SAMD12: variants seen among roughly 807,000 people sequenced by gnomAD.
The protein encoded by SAMD12 is sterile alpha motif domain-containing protein 12.
SAMD12 carries 9 observed loss-of-function variants against 15.0 expected under a neutral mutation model. That is an observed-to-expected ratio of 0.60 (90% CI 0.36 to 1.05). The LOEUF (loss-of-function observed/expected upper bound fraction) is 1.05, where lower values mean the gene tolerates loss of function less well. SAMD12 is among the 50% of genes least tolerant of loss of function. The pLI is 0.01. For missense variants in SAMD12, 230 were observed against 234.2 expected (o/e 0.98, Z 0.12); for synonymous variants, 86 against 90.1 (o/e 0.96, Z 0.25).
intron 2 of SAMD12, among the ~76,000 whole-genome samples, chr8:118,447,690 ATTTT>A (rs199775333): frequency 7.0e-6 from 1 of 142,138 alleles, no homozygotes; most frequent in Non-Finnish European, 1.5e-5. Flanking sequence ...TTATTTTTTT[ATTTT>A]TTATTTTTAA....
intron 4 of SAMD12, among the ~76,000 whole-genome samples, chr8:118,261,178 A>AT (rs1049748841): frequency 7.9e-5 from 12 of 152,004 alleles, no homozygotes; most frequent in Non-Finnish European, 1.5e-4. Flanking sequence ...AATTATTATT[A>AT]TTTTTTTAGC....
chr8:118,589,391 T>C (rs1343901376), intron 1 of SAMD12, among the ~76,000 whole-genome samples: 4 of 152,250 alleles, frequency 2.6e-5, no homozygotes, highest in Non-Finnish European at 4.4e-5. Flanking sequence ...AATTTCATCT[T>C]TGTAAAAACA....
At chr8:118,314,274 C>T (rs148903001) in intron 4 of SAMD12, among the ~76,000 whole-genome samples, 1 of 152,078 alleles carries the variant, frequency 6.6e-6, no homozygotes, top group Non-Finnish European at 1.5e-5. Context: ...AATATACCAG[C>T]TTTCTTCTTT....
chr8:118,227,997 T>C (rs1335776233), intron 4 of SAMD12, among the ~76,000 whole-genome samples: 3 of 152,234 alleles, frequency 2.0e-5, no homozygotes, highest in Non-Finnish European at 4.4e-5. Context: ...TATAGGCAAC[T>C]GATCTTTGAC....
the SAMD12 span, among the ~76,000 whole-genome samples, chr8:118,184,197 G>T: frequency 1.3e-5 from 2 of 152,036 alleles, no homozygotes; most frequent in Non-Finnish European, 2.9e-5. Flanking sequence ...CGTTAAAAAA[G>T]GATTTTATTT....
At chr8:118,186,570 G>C (rs79393097), downstream of SAMD12, among the ~76,000 whole-genome samples, 1 of 111,098 alleles carries the variant, frequency 9.0e-6, no homozygotes, top group South Asian at 2.9e-4. Flanking sequence ...TTTTTTTTTT[G>C]AGTCATCAAT....
chr8:118,532,649 T>C (rs556379993), intron 2 of SAMD12, among the ~76,000 whole-genome samples: 167 of 152,368 alleles, frequency 1.1e-3, no homozygotes, highest in African/African-American at 3.8e-3. Context: ...ATTCAATTTC[T>C]TCCTGGTTTA....
the SAMD12 span, among the ~76,000 whole-genome samples, chr8:118,133,237 A>G: frequency 6.6e-6 from 1 of 151,912 alleles, no homozygotes; most frequent in Admixed American, 6.6e-5. Flanking sequence ...CTCATGTAGA[A>G]GGCATTCAAT....
intron 4 of SAMD12, among the ~76,000 whole-genome samples, chr8:118,285,727 A>T (rs555611575): frequency 6.6e-6 from 1 of 152,318 alleles, no homozygotes; most frequent in South Asian, 2.1e-4. Flanking sequence ...TAATTTAGCA[A>T]TCTCATGGAG....
chr8:118,445,910 GTCT>G (rs1822897971), intron 2 of SAMD12, among the ~76,000 whole-genome samples: 2 of 152,070 alleles, frequency 1.3e-5, no homozygotes, highest in Non-Finnish European at 2.9e-5. Flanking sequence ...TCATTTCCTA[GTCT>G]TCTTTACTGG....
At chr8:118,283,634 C>T (rs189208372) in intron 4 of SAMD12, among the ~76,000 whole-genome samples, 1 of 152,290 alleles carries the variant, frequency 6.6e-6, no homozygotes, top group African/African-American at 2.4e-5. Flanking sequence ...AGCAAGTGCT[C>T]AACTCCAGGG....
chr8:118,517,655 TAAAAGA>T (rs1246666057), intron 2 of SAMD12, among the ~76,000 whole-genome samples: 1 of 152,188 alleles, frequency 6.6e-6, no homozygotes, highest in Non-Finnish European at 1.5e-5. Context: ...AACTGTCATA[TAAAAGA>T]TCAGAAGCAA....
At position 118,611,877 on chromosome 8, in the gene SAMD12, A is replaced by C. The variant is rs374293191; in HGVS notation, c.13+9927T>G. 1.9e-4 allele frequency among the ~76,000 whole-genome samples: 29 copies of C among 152,334 alleles called. No homozygotes were observed. In the South Asian group the frequency reaches 4.6e-3, roughly 24 times the overall value. On this transcript the variant is annotated intron_variant, in intron 1 of 3. Coordinates refer to ENST00000314727, the MANE Select transcript of SAMD12 (RefSeq NM_207506.3). ...GCATCCAAATCACATAGTCTTTTGC[A>C]CTTGGAAGCAATCCCACTATCAGGC...
rs558428638 is a variant in SAMD12 at position 118,254,525 on chromosome 8, A to G, written c.434-56793T>C. On this transcript the variant is annotated intron_variant, in intron 4 of 4. Transcript: ENST00000409003. ...CCAGGCTTTTTGGAGACAATAATTA[A>G]TAACACGCATCTAAATTGTTTCCAT... is the stretch of plus-strand genomic sequence containing the variant. Among the ~76,000 whole-genome samples the G allele has an allele frequency of 2.5e-3, 377 of 152,252 alleles. 1 individual carries two copies. The highest frequency in any genetic ancestry group is 2.1e-3 in the Non-Finnish European group (145 of 67,998).
chr8:118,411,922 A>T (rs1488428274), intron 3 of SAMD12, among the ~76,000 whole-genome samples: 1 of 152,186 alleles, frequency 6.6e-6, no homozygotes, highest in Non-Finnish European at 1.5e-5. Flanking sequence ...CTATGGGCCA[A>T]ATTTGGGCAG....
chr8:118,595,485 A>C (rs923228246), intron 1 of SAMD12, among the ~76,000 whole-genome samples: 5 of 152,232 alleles, frequency 3.3e-5, no homozygotes, highest in Non-Finnish European at 5.9e-5. Flanking sequence ...GTAAACACCA[A>C]CTGTTATAAT....
chr8:118,320,568 A>T (rs1024917685), intron 4 of SAMD12, among the ~76,000 whole-genome samples: 7 of 151,718 alleles, frequency 4.6e-5, no homozygotes, highest in Non-Finnish European at 7.4e-5. Flanking sequence ...ATAGTTTTTT[A>T]AAAAAACCAA....
intron 4 of SAMD12, among the ~76,000 whole-genome samples, chr8:118,203,836 G>T (rs1586339343): frequency 6.7e-6 from 1 of 149,820 alleles, no homozygotes; most frequent in South Asian, 2.1e-4. Context: ...GCGGTGTTTG[G>T]TTTTTTGTCC....
At chr8:118,247,577 TTTTA>T (rs773362667) in intron 4 of SAMD12, among the ~76,000 whole-genome samples, 27 of 151,826 alleles carry the variant, frequency 1.8e-4, no homozygotes, top group African/African-American at 2.7e-4. Flanking sequence ...ACTTTAAAAA[TTTTA>T]TTTATTTATT....
Sources: allele counts gnomAD v4.1 joint callset (sites outside exome capture counted in the v4.1 genomes callset), GRCh38; gene constraint gnomAD v4.1.1; transcripts MANE v1.5; gene names NCBI Gene and HGNC (gene_info 2026-07-23, HGNC 2026-07-21).